Variants in CDH18 observed in about 807,000 individuals in gnomAD.
CDH18 encodes the protein cadherin-18.
CDH18 carries 31 observed loss-of-function variants against 67.9 expected under a neutral mutation model. The observed-to-expected ratio is 0.46, with a 90% CI of 0.34 to 0.62. The LOEUF is 0.62. Ranked by LOEUF, CDH18 falls within the 20% of genes least tolerant of loss-of-function variation. The pLI is 0.01. For synonymous variants in CDH18, 362 were observed against 347.2 expected, an observed-to-expected ratio of 1.04 and a Z score of -0.48; for missense variants, 890 against 975.5, an observed-to-expected ratio of 0.91 and a Z score of 1.17.
chr5:19,988,554 T>C (rs530074153), upstream of CDH18, among the ~76,000 whole-genome samples: 38 of 151,992 alleles, frequency 2.5e-4, 2 homozygotes, highest in South Asian at 7.7e-3. Context: ...TCTTGAAAAA[T>C]GACGGCCAGG....
chr5:20,096,303 C>G (rs1294577812), intron 2 of CDH18, among the ~76,000 whole-genome samples: 1 of 151,994 alleles, frequency 6.6e-6, no homozygotes, highest in East Asian at 1.9e-4. Context: ...AACTAATTGC[C>G]AATTCATGCT....
chr5:20,031,469 A>T (rs1172683310), intron 2 of CDH18, among the ~76,000 whole-genome samples: 1 of 152,016 alleles, frequency 6.6e-6, no homozygotes, highest in Admixed American at 6.6e-5. Context: ...AATTTCTGAG[A>T]GCACTAGGGA....
chr5:20,524,890 C>G (rs2471134), intron 1 of CDH18, among the ~76,000 whole-genome samples: 63,771 of 151,866 alleles, frequency 0.42, 14,590 homozygotes, highest in East Asian at 0.56. Context: ...TATAACCTAG[C>G]CCACAGGAAT....
intron 7 of CDH18, among the ~76,000 whole-genome samples, chr5:19,587,912 A>C (rs1186976531): frequency 1.3e-5 from 2 of 151,958 alleles, no homozygotes; most frequent in African/African-American, 4.8e-5. Context: ...GATTCTTCCT[A>C]TCCATGAGCA....
intron 2 of CDH18, among the ~76,000 whole-genome samples, chr5:20,218,329 C>A (rs1437937940): frequency 6.6e-6 from 1 of 151,724 alleles, no homozygotes; most frequent in Non-Finnish European, 1.5e-5. Context: ...TCTTTCTCCA[C>A]AATAGAATAT....
At chr5:20,176,646 G>T (rs1312730111) in intron 2 of CDH18, among the ~76,000 whole-genome samples, 30 of 152,056 alleles carry the variant, frequency 2.0e-4, no homozygotes, top group Admixed American at 2.0e-3. Flanking sequence ...AATATAAGTA[G>T]GGTAAAATAC....
intron 1 of CDH18, among the ~76,000 whole-genome samples, chr5:20,490,354 C>A (rs1314250449): frequency 1.3e-5 from 2 of 151,972 alleles, no homozygotes; most frequent in Non-Finnish European, 2.9e-5. Context: ...ATACAACTTT[C>A]TAGATAATAG....
intron 2 of CDH18, among the ~76,000 whole-genome samples, chr5:19,840,288 G>GAAA (rs70954608): frequency 8.6e-5 from 11 of 128,052 alleles, no homozygotes; most frequent in Admixed American, 8.7e-5. Context: ...AAAAAAAAAA[G>GAAA]AAAAAAAAAA....
intron 1 of CDH18, among the ~76,000 whole-genome samples, chr5:20,501,934 A>G (rs2126446109): frequency 6.6e-6 from 1 of 151,944 alleles, no homozygotes; most frequent in Admixed American, 6.6e-5. Context: ...TTATTTCAAG[A>G]AAACAGCAAA....
intron 3 of CDH18, among the ~76,000 whole-genome samples, chr5:19,786,891 T>G (rs1775847379): frequency 6.6e-6 from 1 of 152,170 alleles, no homozygotes; most frequent in Admixed American, 6.6e-5. Flanking sequence ...TAATGGATTC[T>G]GTTCCAACTG....
At chr5:20,560,901 ACATC>A (rs1758170700) in intron 1 of CDH18, among the ~76,000 whole-genome samples, 1 of 152,106 alleles carries the variant, frequency 6.6e-6, no homozygotes, top group South Asian at 2.1e-4. Context: ...CATACACAAT[ACATC>A]CTAAAAGTCA....
At chr5:20,449,474 T>A (rs184860848) in intron 1 of CDH18, among the ~76,000 whole-genome samples, 1 of 152,154 alleles carries the variant, frequency 6.6e-6, no homozygotes, top group East Asian at 1.9e-4. Flanking sequence ...AAAGACATAA[T>A]TTATAAATTG....
intron 2 of CDH18, among the ~76,000 whole-genome samples, chr5:20,204,617 A>G (rs954335441): frequency 1.3e-5 from 2 of 152,068 alleles, no homozygotes; most frequent in South Asian, 2.1e-4. Context: ...TATCATAATT[A>G]TAATGTGTAA....
rs541411931 is a variant in CDH18 at position 20,167,507 on chromosome 5, T to C, written c.-518+87937A>G. ...AATAAATATATAATGAATAAATAAA[T>C]AGAAAAATAAATAAAAGAGAACTAT... On this transcript the variant is annotated intron_variant, in intron 2 of 14. Transcript: ENST00000507958. Among the ~76,000 whole-genome samples, 45 of 151,728 alleles carry C rather than the reference T, an allele frequency of 3.0e-4. 1 individual carries two copies. Among genetic ancestry groups the C allele is most frequent in the Admixed American group, 2.2e-3 (33 of 15,220 alleles).
At chr5:20,053,283 TATATG>T (rs1389880939) in intron 2 of CDH18, among the ~76,000 whole-genome samples, 1 of 151,162 alleles carries the variant, frequency 6.6e-6, no homozygotes, top group Non-Finnish European at 1.5e-5. Context: ...TAGATATATA[TATATG>T]ATATATGTAG....
chr5:20,301,789 C>CTTTTTT (rs59276117), intron 1 of CDH18, among the ~76,000 whole-genome samples: 127 of 128,108 alleles, frequency 9.9e-4, no homozygotes, highest in East Asian at 1.5e-3. Context: ...TTTCTTTTTT[C>CTTTTTT]TTTTTTTTTT....
intron 4 of CDH18, among the ~76,000 whole-genome samples, chr5:19,728,615 C>A (rs1767175813): frequency 6.6e-6 from 1 of 152,052 alleles, no homozygotes; most frequent in South Asian, 2.1e-4. Flanking sequence ...GAGTAGACTT[C>A]CTGGTAAGTT....
chr5:20,483,531 A>G (rs527892145), intron 1 of CDH18, among the ~76,000 whole-genome samples: 15 of 151,806 alleles, frequency 9.9e-5, no homozygotes, highest in African/African-American at 2.6e-4. Context: ...CTATAAAGTT[A>G]TAATAACCAA....
At chr5:19,485,100 C>A (rs909865881) in intron 11 of CDH18, among the ~76,000 whole-genome samples, 2 of 151,914 alleles carry the variant, frequency 1.3e-5, no homozygotes, top group African/African-American at 4.8e-5. Context: ...TTAAAATATT[C>A]AATGTACTAC....
Sources: allele counts gnomAD v4.1 joint callset (sites outside exome capture counted in the v4.1 genomes callset), GRCh38; gene constraint gnomAD v4.1.1; transcripts MANE v1.5; gene names NCBI Gene and HGNC (gene_info 2026-07-23, HGNC 2026-07-21).